Variants in TRHDE observed in about 807,000 individuals in gnomAD.
TRHDE encodes thyrotropin-releasing hormone-degrading ectoenzyme.
Under a neutral mutation model 125.7 loss-of-function variants are expected in TRHDE, and 72 were observed. That is an observed-to-expected ratio of 0.57 (90% confidence interval 0.47 to 0.70). TRHDE has a LOEUF of 0.70. TRHDE is among the 30% of genes least tolerant of loss of function. The pLI is 0.00. For synonymous variants in TRHDE, 509 were observed against 509.1 expected, an observed-to-expected ratio of 1.00 and a Z score of 0.00; for missense variants, 1,110 against 1,327.1, an observed-to-expected ratio of 0.84 and a Z score of 2.54.
intron 2 of TRHDE, among the ~76,000 whole-genome samples, chr12:72,230,316 C>T (rs1233519951): frequency 6.6e-6 from 1 of 152,154 alleles, no homozygotes; most frequent in Non-Finnish European, 1.5e-5. Flanking sequence ...ATACTTATTA[C>T]ATCTATTATG....
At chr12:72,132,732 G>A (rs1875892959) in intron 2 of TRHDE, among the ~76,000 whole-genome samples, 1 of 152,098 alleles carries the variant, frequency 6.6e-6, no homozygotes, top group Non-Finnish European at 1.5e-5. Context: ...CTGGGGACAC[G>A]CAGATGAATA....
At chr12:72,128,194 T>A (rs1224119663) in intron 2 of TRHDE, among the ~76,000 whole-genome samples, 2 of 152,162 alleles carry the variant, frequency 1.3e-5, no homozygotes, top group Non-Finnish European at 2.9e-5. Context: ...GCCTCAGTAG[T>A]GGGAAATAAT....
intron 3 of TRHDE, among the ~76,000 whole-genome samples, chr12:72,427,052 A>G (rs911151591): frequency 4.6e-5 from 7 of 152,224 alleles, no homozygotes; most frequent in East Asian, 1.9e-4. Context: ...AAATTATATT[A>G]TCTGGGCTCT....
At chr12:72,511,716 G>A (rs776642736) in intron 6 of TRHDE, among the ~76,000 whole-genome samples, 3 of 151,958 alleles carry the variant, frequency 2.0e-5, no homozygotes, top group Non-Finnish European at 4.4e-5. Flanking sequence ...ATATTTCACC[G>A]ATTCATCATC....
intron 5 of TRHDE, among the ~76,000 whole-genome samples, chr12:72,497,197 G>C (rs1351677509): frequency 6.6e-6 from 1 of 151,992 alleles, no homozygotes; most frequent in African/African-American, 2.4e-5. Flanking sequence ...AAATTCTACT[G>C]ACTAGGCAAG....
intron 3 of TRHDE, among the ~76,000 whole-genome samples, chr12:72,404,933 C>T (rs576830826): frequency 1.3e-5 from 2 of 152,244 alleles, no homozygotes; most frequent in African/African-American, 4.8e-5. Flanking sequence ...ATCACATAGA[C>T]CAATACCTAG....
At chr12:72,578,093 A>G (rs1018559059) in intron 12 of TRHDE, among the ~76,000 whole-genome samples, 4 of 152,130 alleles carry the variant, frequency 2.6e-5, no homozygotes, top group Non-Finnish European at 4.4e-5. Flanking sequence ...TCCTAAACAC[A>G]TCGTGCACTC....
intron 15 of TRHDE, among the ~76,000 whole-genome samples, chr12:72,622,998 G>A (rs113276058): frequency 1.9e-4 from 29 of 151,980 alleles, no homozygotes; most frequent in African/African-American, 6.5e-4. Flanking sequence ...GAACCAAACT[G>A]TACCCATTTT....
At chr12:72,507,279 C>T (rs1316372373) in intron 6 of TRHDE, among the ~76,000 whole-genome samples, 1 of 152,086 alleles carries the variant, frequency 6.6e-6, no homozygotes, top group Non-Finnish European at 1.5e-5. Context: ...ATGGAAGCAA[C>T]TTTGGAACTG....
At chr12:72,480,688 G>T (rs1161939374) in intron 5 of TRHDE, among the ~76,000 whole-genome samples, 1 of 152,052 alleles carries the variant, frequency 6.6e-6, no homozygotes, top group Non-Finnish European at 1.5e-5. Flanking sequence ...TAACAATAAT[G>T]CAAGGCCATC....
At chr12:72,213,461 CTTA>C (rs1000898086) in intron 2 of TRHDE, among the ~76,000 whole-genome samples, 3 of 152,040 alleles carry the variant, frequency 2.0e-5, no homozygotes, top group Admixed American at 1.3e-4. Flanking sequence ...CGCTATAATA[CTTA>C]TTATTATTTT....
intron 3 of TRHDE, among the ~76,000 whole-genome samples, chr12:72,396,463 C>T (rs985639473): frequency 2.4e-4 from 36 of 152,134 alleles, no homozygotes; most frequent in African/African-American, 7.0e-4. Context: ...ACTTTATTCT[C>T]GGCCAGGTGC....
chr12:72,418,194 G>A (rs1263597913), intron 3 of TRHDE, among the ~76,000 whole-genome samples: 1 of 151,894 alleles, frequency 6.6e-6, no homozygotes, highest in Non-Finnish European at 1.5e-5. Flanking sequence ...ATTTATTCAG[G>A]CATGAATCAA....
intron 3 of TRHDE, among the ~76,000 whole-genome samples, chr12:72,442,846 A>G (rs17111172): frequency 0.15 from 23,173 of 151,698 alleles, 3,071 homozygotes; most frequent in African/African-American, 0.35. Context: ...CCAATTTCAC[A>G]TCTTAACTAT....
chr12:72,120,892 AT>A (rs1386395795), intron 2 of TRHDE, among the ~76,000 whole-genome samples: 4 of 151,238 alleles, frequency 2.6e-5, no homozygotes, highest in Admixed American at 1.3e-4. Flanking sequence ...TTTGGCCAAA[AT>A]GGTCTCGATC....
intron 10 of TRHDE, among the ~76,000 whole-genome samples, chr12:72,568,949 A>G (rs766538709): frequency 1.2e-4 from 19 of 152,190 alleles, no homozygotes; most frequent in Non-Finnish European, 2.5e-4. Context: ...CTCCACATGT[A>G]ATTAAAATAT....
intron 15 of TRHDE, among the ~76,000 whole-genome samples, chr12:72,642,888 C>T (rs1874122763): frequency 6.6e-6 from 1 of 152,094 alleles, no homozygotes; most frequent in African/African-American, 2.4e-5. Flanking sequence ...TCATTTGTTT[C>T]TAATGACTTT....
At chr12:72,398,433 A>G (rs1187939958) in intron 3 of TRHDE, among the ~76,000 whole-genome samples, 1 of 152,142 alleles carries the variant, frequency 6.6e-6, no homozygotes, top group Non-Finnish European at 1.5e-5. Flanking sequence ...TATAGCATTT[A>G]TTACGTTCCA....
intron 2 of TRHDE, among the ~76,000 whole-genome samples, chr12:72,325,681 C>T (rs2135714594): frequency 6.6e-6 from 1 of 152,034 alleles, no homozygotes; most frequent in East Asian, 1.9e-4. Context: ...TTTATTAAGC[C>T]ATGTTTCTAT....
Sources: allele counts gnomAD v4.1 joint callset (sites outside exome capture counted in the v4.1 genomes callset), GRCh38; gene constraint gnomAD v4.1.1; transcripts MANE v1.5; gene names NCBI Gene and HGNC (gene_info 2026-07-23, HGNC 2026-07-21).